The following TMEM132D variants were observed in gnomAD, a reference collection of about 807,000 sequenced individuals.
The protein encoded by TMEM132D is transmembrane protein 132D.
Under a neutral mutation model 62.3 loss-of-function variants are expected in TMEM132D, and 21 were observed. That is an observed-to-expected ratio of 0.34 (90% CI 0.24 to 0.49). The LOEUF is 0.49. Ranked by LOEUF, TMEM132D falls within the 20% of genes least tolerant of loss-of-function variation. The pLI, the probability that TMEM132D is intolerant of heterozygous loss-of-function variation, is 0.99. For missense variants in TMEM132D, 1,346 were observed against 1,402.8 expected (o/e 0.96, Z 0.65); for synonymous variants, 621 against 575.6 (o/e 1.08, Z -1.13).
chr12:129,900,119 C>T (rs140477516), intron 1 of TMEM132D, among the ~76,000 whole-genome samples: 18 of 152,282 alleles, frequency 1.2e-4, no homozygotes, highest in African/African-American at 3.6e-4. Flanking sequence ...CAGTTCATGT[C>T]GCAATGTATT....
intron 3 of TMEM132D, among the ~76,000 whole-genome samples, chr12:129,396,541 G>GT (rs1871438750): frequency 6.6e-6 from 1 of 152,150 alleles, no homozygotes; most frequent in South Asian, 2.1e-4. Context: ...CTGGGCCATT[G>GT]TTGTCTACGT....
At chr12:129,684,073 T>C (rs960776821) in intron 2 of TMEM132D, among the ~76,000 whole-genome samples, 2 of 152,208 alleles carry the variant, frequency 1.3e-5, no homozygotes, top group African/African-American at 4.8e-5. Flanking sequence ...TGAAGAACTT[T>C]AGTTGCAAAG....
intron 5 of TMEM132D, among the ~76,000 whole-genome samples, chr12:129,190,685 A>G (rs1259116589): frequency 1.3e-5 from 2 of 151,662 alleles, no homozygotes; most frequent in Non-Finnish European, 2.9e-5. Flanking sequence ...TAGAACATCC[A>G]GAAAACAAGG....
chr12:129,710,764 G>A (rs1452052021), intron 1 of TMEM132D, among the ~76,000 whole-genome samples: 4 of 152,172 alleles, frequency 2.6e-5, no homozygotes, highest in African/African-American at 9.7e-5. Context: ...AAAGCCCGCA[G>A]CCATGCTCCT....
At chr12:129,675,232 A>G (rs551120924) in intron 2 of TMEM132D, among the ~76,000 whole-genome samples, 1 of 152,348 alleles carries the variant, frequency 6.6e-6, no homozygotes, top group South Asian at 2.1e-4. Flanking sequence ...AGGGGCATGG[A>G]TGAAGCTGAA....
At chr12:129,752,529 A>C (rs544049585) in intron 1 of TMEM132D, among the ~76,000 whole-genome samples, 2 of 152,338 alleles carry the variant, frequency 1.3e-5, no homozygotes, top group African/African-American at 4.8e-5. Context: ...AGATTTGGAA[A>C]TTTGAAACCT....
intron 5 of TMEM132D, among the ~76,000 whole-genome samples, chr12:129,176,616 A>G (rs1877913627): frequency 6.6e-6 from 1 of 152,226 alleles, no homozygotes; most frequent in African/African-American, 2.4e-5. Context: ...GGCTCTCGCT[A>G]CCACACAACA....
At chr12:129,583,760 G>A (rs765403495) in intron 2 of TMEM132D, among the ~76,000 whole-genome samples, 12 of 152,306 alleles carry the variant, frequency 7.9e-5, no homozygotes, top group African/African-American at 1.7e-4. Flanking sequence ...CATAAATGGC[G>A]AGAAAGCATC....
At chr12:129,694,154 T>C (rs1881137167) in intron 2 of TMEM132D, among the ~76,000 whole-genome samples, 1 of 152,218 alleles carries the variant, frequency 6.6e-6, no homozygotes, top group Non-Finnish European at 1.5e-5. Context: ...AGGCAAGAAC[T>C]GGGGTCTCAC....
intron 4 of TMEM132D, among the ~76,000 whole-genome samples, chr12:129,245,193 A>C (rs533551280): frequency 7.0e-4 from 106 of 152,312 alleles, no homozygotes; most frequent in Admixed American, 3.3e-3. Context: ...TGCCGTAAAA[A>C]TTTGTGTTCC....
Position 129,084,639 on chromosome 12 carries a change from C to T in TMEM132D, c.1507G>A (p.Val503Met), listed in dbSNP as rs1874555996. 6 of 1,614,054 alleles carry T rather than the reference C, an allele frequency of 3.7e-6. No homozygotes were observed. The highest frequency in any genetic ancestry group is 2.7e-5 in the African/African-American group (2 of 74,930). The change falls in exon 6 of 9, where the codon GTG becomes ATG. Residue 503 changes from valine to methionine, a missense_variant. By Grantham distance (21) the Val-to-Met change is conservative. Transcript: ENST00000422113. ...GKEMKGKVNVVVNFTYQHLSS... is the reference protein window; with the variant it reads ...GKEMKGKVNVMVNFTYQHLSS... Reference sequence around the variant, plus strand: ...AGGTGCTGGTAGGTGAAGTTCACCACCACGTTGACCTTGCCTTTCATTTCT... The same window carrying T: ...AGGTGCTGGTAGGTGAAGTTCACCATCACGTTGACCTTGCCTTTCATTTCT...
At position 129,903,244 on chromosome 12, in the gene TMEM132D, G is replaced by A. The variant is rs963296899; in HGVS notation, c.79+17C>T. On this transcript the variant is annotated intron_variant, in intron 1 of 8. Transcript: ENST00000422113. This position sits in a 1 kb window ranked among gnomAD's most constrained non-coding sequence, Gnocchi z 6.2. ...GCGAAGTTAGTCCCCGGGCCCTGGC[G>A]GCCGCGGCGTCCTCACCTTTGGAAA... 1.4e-5 allele frequency: 21 copies of A among 1,551,490 alleles called. No homozygotes were observed. The highest frequency in any genetic ancestry group is 1.4e-5 in the Non-Finnish European group (16 of 1,147,024).
intron 1 of TMEM132D, among the ~76,000 whole-genome samples, chr12:129,744,907 A>T (rs1321609565): frequency 1.3e-5 from 2 of 152,050 alleles, no homozygotes; most frequent in Non-Finnish European, 2.9e-5. Flanking sequence ...CATAATCCCC[A>T]CATGTCAAGG....
intron 5 of TMEM132D, among the ~76,000 whole-genome samples, chr12:129,160,964 C>G (rs539967382): frequency 6.6e-6 from 1 of 152,316 alleles, no homozygotes; most frequent in Admixed American, 6.5e-5. Flanking sequence ...TTGCATCACT[C>G]TCTGCAGAAA....
intron 1 of TMEM132D, among the ~76,000 whole-genome samples, chr12:129,731,060 AC>A (rs1386583333): frequency 6.6e-6 from 1 of 151,926 alleles, no homozygotes; most frequent in East Asian, 1.9e-4. Context: ...CCTCTAGAGA[AC>A]CCTGATTAAT....
intron 1 of TMEM132D, among the ~76,000 whole-genome samples, chr12:129,832,625 G>A (rs970807174): frequency 3.9e-5 from 6 of 152,102 alleles, no homozygotes; most frequent in Non-Finnish European, 8.8e-5. Flanking sequence ...ATCCCAGCAT[G>A]GCCACCTCTG....
At position 129,474,578 on chromosome 12, in the gene TMEM132D, A is replaced by G. The variant is rs540973863; in HGVS notation, c.1115+56481T>C. 3.3e-5 allele frequency among the ~76,000 whole-genome samples: 5 copies of G among 152,196 alleles called. No individual in the cohort carries two copies. In the East Asian group the frequency reaches 9.7e-4, roughly 29 times the overall value. On this transcript the variant is annotated intron_variant, in intron 3 of 8. Coordinates refer to ENST00000422113, the MANE Select transcript of TMEM132D (RefSeq NM_133448.3). ...CTGTCCCTGACTGACTGACTGTCAG[A>G]AGTTGACAAGACCCAGTGACAGAGC... is the stretch of plus-strand genomic sequence containing the variant.
chr12:129,584,310 T>C (rs1219636587), intron 2 of TMEM132D, among the ~76,000 whole-genome samples: 1 of 152,372 alleles, frequency 6.6e-6, no homozygotes, highest in African/African-American at 2.4e-5. Context: ...TCAGTACTAA[T>C]GTTTTTACCT....
chr12:129,853,024 C>G (rs1000064936), intron 1 of TMEM132D: 1 of 152,144 alleles, frequency 6.6e-6, no homozygotes, highest in Admixed American at 6.5e-5. Flanking sequence ...TGTAACATGA[C>G]GGAAGACTGA....
Sources: gnomAD v4.1 joint callset for allele counts (sites outside exome capture counted in the v4.1 genomes callset) on GRCh38, gnomAD v4.1.1 for gene constraint, Gnocchi (gnomAD v3.1) non-coding constraint, MANE v1.5 for transcripts, NCBI Gene and HGNC (gene_info 2026-07-23, HGNC 2026-07-21) for gene names.